Variants in RAD51B observed in about 807,000 individuals in gnomAD.
RAD51B encodes RAD51 paralog B.
RAD51B carries 38 observed loss-of-function variants against 42.2 expected under a neutral mutation model. That is an observed-to-expected ratio of 0.90 (90% CI 0.70 to 1.18). The LOEUF (loss-of-function observed/expected upper bound fraction) is 1.18. Among genes scored for constraint, RAD51B ranks in the 50% most tolerant of loss-of-function variants. RAD51B has a pLI of 0.00. For synonymous variants in RAD51B, 154 were observed against 145.2 expected (o/e 1.06, Z -0.43); for missense variants, 373 against 400.7 (o/e 0.93, Z 0.59).
At chr14:68,242,608 CA>C (rs773777055) in intron 7 of RAD51B, among the ~76,000 whole-genome samples, 1 of 152,240 alleles carries the variant, frequency 6.6e-6, no homozygotes, top group African/African-American at 2.4e-5. Context: ...ATATACTTTT[CA>C]AGTACCTGCT....
intron 10 of RAD51B, chr14:68,540,351 A>C: frequency 9.5e-7 from 1 of 1,050,486 alleles, no homozygotes; most frequent in Non-Finnish European, 1.1e-6. Flanking sequence ...CGAATCCTTG[A>C]CAATTGAGAT....
chr14:68,325,907 G>C (rs944759687), intron 8 of RAD51B, among the ~76,000 whole-genome samples: 1 of 151,960 alleles, frequency 6.6e-6, no homozygotes, highest in Non-Finnish European at 1.5e-5. Flanking sequence ...TAAGTGTCAA[G>C]CTCTGTGCTA....
At chr14:68,123,976 C>T (rs1352220061) in intron 7 of RAD51B, among the ~76,000 whole-genome samples, 1 of 152,142 alleles carries the variant, frequency 6.6e-6, no homozygotes, top group Non-Finnish European at 1.5e-5. Flanking sequence ...TCTTCAGGCT[C>T]TAAGTATTCC....
intron 7 of RAD51B, among the ~76,000 whole-genome samples, chr14:68,167,405 T>C (rs1036548108): frequency 2.6e-5 from 4 of 152,218 alleles, no homozygotes; most frequent in Non-Finnish European, 4.4e-5. Context: ...ACTTCTTACA[T>C]AGTTCCTATA....
chr14:68,501,782 G>T (rs929651101), intron 10 of RAD51B, among the ~76,000 whole-genome samples: 4 of 152,276 alleles, frequency 2.6e-5, no homozygotes. Flanking sequence ...CAATGTCAGG[G>T]CTTTGGCCTT....
chr14:67,886,505 G>T, intron 6 of RAD51B: 1 of 220,214 alleles, frequency 4.5e-6, no homozygotes, highest in Non-Finnish European at 9.1e-6. Flanking sequence ...TACCGTCTGG[G>T]CCTCTCCATA....
At chr14:68,054,181 T>G (rs145640620) in intron 7 of RAD51B, among the ~76,000 whole-genome samples, 6 of 152,316 alleles carry the variant, frequency 3.9e-5, no homozygotes, top group Non-Finnish European at 7.4e-5. Flanking sequence ...GTTTTTCCAG[T>G]TGTTCCAGTA....
At chr14:67,872,636 TCC>T (rs2042580951) in intron 5 of RAD51B, among the ~76,000 whole-genome samples, 1 of 151,460 alleles carries the variant, frequency 6.6e-6, no homozygotes, top group Non-Finnish European at 1.5e-5. Context: ...GCCAAGTCAA[TCC>T]TGAGCCAAAA....
At chr14:68,400,377 A>C (rs978114064) in intron 8 of RAD51B, among the ~76,000 whole-genome samples, 6 of 152,164 alleles carry the variant, frequency 3.9e-5, no homozygotes, top group African/African-American at 1.2e-4. Context: ...CTGAATGCAC[A>C]CTTCTGAGGG....
At chr14:68,348,811 A>G (rs1369116436) in intron 8 of RAD51B, among the ~76,000 whole-genome samples, 1 of 152,226 alleles carries the variant, frequency 6.6e-6, no homozygotes, top group Non-Finnish European at 1.5e-5. Flanking sequence ...AGGCAGGAGA[A>G]TGGCATGAAC....
At chr14:67,980,922 AGAGAAT>A (rs2075080278) in intron 7 of RAD51B, among the ~76,000 whole-genome samples, 2 of 152,236 alleles carry the variant, frequency 1.3e-5, no homozygotes, top group African/African-American at 4.8e-5. Flanking sequence ...GCTCTTGAAA[AGAGAAT>A]GAGAAGGCAA....
intron 7 of RAD51B, among the ~76,000 whole-genome samples, chr14:67,942,503 A>T (rs2045243340): frequency 1.3e-5 from 2 of 152,182 alleles, no homozygotes; most frequent in African/African-American, 2.4e-5. Context: ...TCCAGAAGGA[A>T]ATGGTGAAAT....
chr14:67,842,794 T>C (rs1302084567), intron 4 of RAD51B, among the ~76,000 whole-genome samples: 1 of 152,204 alleles, frequency 6.6e-6, no homozygotes, highest in African/African-American at 2.4e-5. Context: ...TAGAATGATG[T>C]TGGCTGTGGG....
intron 10 of RAD51B, among the ~76,000 whole-genome samples, chr14:68,628,801 A>G (rs530399897): frequency 6.6e-6 from 1 of 152,202 alleles, no homozygotes; most frequent in South Asian, 2.1e-4. Context: ...TTTCCAAACC[A>G]GGCCTGTAAG....
chr14:67,835,361 T>C (rs2041201242), intron 4 of RAD51B, among the ~76,000 whole-genome samples, 165 bp downstream of exon 4: 1 of 152,232 alleles, frequency 6.6e-6, no homozygotes, highest in Admixed American at 6.5e-5. Context: ...GTGGTTGTTC[T>C]GCAAACAGAG....
At chr14:67,875,365 A>G (rs902400181) in intron 5 of RAD51B, among the ~76,000 whole-genome samples, 9 of 152,208 alleles carry the variant, frequency 5.9e-5, no homozygotes, top group Non-Finnish European at 1.2e-4. Flanking sequence ...GTCACCTCTC[A>G]GGGTGCCAAG....
intron 8 of RAD51B, among the ~76,000 whole-genome samples, chr14:68,384,655 G>A (rs2083553820): frequency 6.6e-6 from 1 of 152,140 alleles, no homozygotes; most frequent in African/African-American, 2.4e-5. Flanking sequence ...AGTTGTCTTG[G>A]GATCAGAATT....
chr14:68,360,913 C>T (rs1263153009), intron 8 of RAD51B, among the ~76,000 whole-genome samples: 1 of 152,154 alleles, frequency 6.6e-6, no homozygotes, highest in Non-Finnish European at 1.5e-5. Flanking sequence ...CAGAGCAAGG[C>T]CTGTCTGTTC....
intron 7 of RAD51B, among the ~76,000 whole-genome samples, chr14:68,002,407 A>G (rs1183804289): frequency 6.6e-6 from 1 of 151,998 alleles, no homozygotes; most frequent in African/African-American, 2.4e-5. Context: ...AATTTGTTTA[A>G]GTTCCTTGTA....
Sources: gnomAD v4.1 joint callset for allele counts (sites outside exome capture counted in the v4.1 genomes callset) on GRCh38, gnomAD v4.1.1 for gene constraint, MANE v1.5 for transcripts, NCBI Gene and HGNC (gene_info 2026-07-23, HGNC 2026-07-21) for gene names.